Variants in WWOX observed in about 807,000 individuals in gnomAD.
The protein encoded by WWOX is WW domain containing oxidoreductase.
WWOX carries 69 observed loss-of-function variants against 46.2 expected under a neutral mutation model. That is an observed-to-expected ratio of 1.49 (90% CI 1.23 to 1.82). WWOX has a LOEUF of 1.82. Ranked by LOEUF, WWOX falls within the 40% of genes most tolerant of loss-of-function variation. The probability of loss-of-function intolerance (pLI) is 0.00; values close to 1 mark genes in which losing one functional copy is unlikely to be tolerated. For synonymous variants in WWOX, 359 were observed against 202.6 expected, an observed-to-expected ratio of 1.77 and a Z score of -6.56; for missense variants, 919 against 542.6, an observed-to-expected ratio of 1.69 and a Z score of -6.89.
In WWOX at chr16:78,510,532, C is replaced by T. The variant is rs112432744; in HGVS notation, c.1056+77780C>T. ...CGGCCACTTTCATCTTTCTGATTAACTGAAAAGTATCAAGCAATACTTACA... is the reference window on the plus strand; with the variant it reads ...CGGCCACTTTCATCTTTCTGATTAATTGAAAAGTATCAAGCAATACTTACA... On this transcript the variant is annotated intron_variant, in intron 8 of 8. Transcript: ENST00000566780. Among the ~76,000 whole-genome samples, 537 of 152,238 alleles carry T rather than the reference C, an allele frequency of 3.5e-3. 3 individuals are homozygous for T. Among genetic ancestry groups the T allele is most frequent in the African/African-American group, 0.012 (514 of 41,544 alleles).
At chr16:78,228,738 T>G (rs888717901) in intron 5 of WWOX, among the ~76,000 whole-genome samples, 3 of 152,342 alleles carry the variant, frequency 2.0e-5, no homozygotes, top group African/African-American at 7.2e-5. Flanking sequence ...ACATCATTAG[T>G]TGACAGATAT....
intron 8 of WWOX, among the ~76,000 whole-genome samples, chr16:78,516,522 T>C (rs1291793786): frequency 6.6e-6 from 1 of 152,220 alleles, no homozygotes; most frequent in Non-Finnish European, 1.5e-5. Context: ...TCTTCAAATA[T>C]CTGAACTCAG....
At chr16:78,981,641 G>C (rs962896340) in intron 8 of WWOX, 1 of 152,042 alleles carries the variant, frequency 6.6e-6, no homozygotes, top group African/African-American at 2.4e-5. Flanking sequence ...TGGCCAGGCT[G>C]GTCTTGAACT....
At position 78,475,950 on chromosome 16, in the gene WWOX, G is replaced by A. The variant is rs192185801; in HGVS notation, c.1056+43198G>A. ...ATGTGTCTCTTATTAATTTATTATG[G>A]TAATGAGAAGAGTTTGGATTTGGAC... On this transcript the variant is annotated intron_variant, in intron 8 of 8. Coordinates refer to ENST00000566780, the MANE Select transcript of WWOX (RefSeq NM_016373.4). Among the ~76,000 whole-genome samples the A allele has an allele frequency of 8.2e-3, 1,249 of 152,240 alleles. 15 individuals are homozygous for A. The highest frequency in any genetic ancestry group is 9.0e-3 in the Non-Finnish European group (613 of 68,014).
chr16:78,603,802 G>A (rs984803405), intron 8 of WWOX, among the ~76,000 whole-genome samples: 6 of 152,300 alleles, frequency 3.9e-5, no homozygotes, highest in Middle Eastern at 3.4e-3. Context: ...GGACAGACAA[G>A]TGACTGACCA....
At chr16:78,760,714 A>T (rs999569656) in intron 8 of WWOX, among the ~76,000 whole-genome samples, 1 of 152,178 alleles carries the variant, frequency 6.6e-6, no homozygotes, top group Admixed American at 6.5e-5. Context: ...CTGCTGTGGG[A>T]CATGAGACTC....
intron 8 of WWOX, among the ~76,000 whole-genome samples, chr16:78,926,370 C>CA (rs57956185): frequency 7.1e-5 from 10 of 140,362 alleles, no homozygotes; most frequent in East Asian, 2.2e-4. Flanking sequence ...GACCCTATCT[C>CA]AAAAAAAAAA....
At chr16:78,148,790 C>G (rs534503066) in intron 4 of WWOX, among the ~76,000 whole-genome samples, 6 of 145,916 alleles carry the variant, frequency 4.1e-5, no homozygotes, top group Non-Finnish European at 8.9e-5. Context: ...CCCAGCTACT[C>G]GGGAGGCTGA....
At chr16:79,189,246 A>G (rs1174713398) in intron 8 of WWOX, among the ~76,000 whole-genome samples, 2 of 151,450 alleles carry the variant, frequency 1.3e-5, no homozygotes, top group Non-Finnish European at 2.9e-5. Context: ...AGGAAAGCCT[A>G]TTTCTTTTTT....
intron 8 of WWOX, among the ~76,000 whole-genome samples, chr16:78,436,468 G>C (rs947195404): frequency 6.6e-6 from 1 of 152,210 alleles, no homozygotes; most frequent in Non-Finnish European, 1.5e-5. Flanking sequence ...TAAGCATGAA[G>C]ATGACGAAGA....
chr16:78,724,384 T>C (rs1170968303), intron 8 of WWOX, among the ~76,000 whole-genome samples: 1 of 152,218 alleles, frequency 6.6e-6, no homozygotes, highest in Non-Finnish European at 1.5e-5. Flanking sequence ...ATATTTTTTT[T>C]CCTTCATTCC....
chr16:78,320,593 G>A (rs535068518), intron 5 of WWOX, among the ~76,000 whole-genome samples: 5 of 152,268 alleles, frequency 3.3e-5, no homozygotes, highest in South Asian at 2.1e-4. Flanking sequence ...TTACCTCTTG[G>A]CCAAATGCTT....
intron 4 of WWOX, among the ~76,000 whole-genome samples, chr16:78,154,996 A>T (rs1367757490): frequency 6.6e-6 from 1 of 152,176 alleles, no homozygotes; most frequent in Non-Finnish European, 1.5e-5. Context: ...CCAACTAGAA[A>T]GCCCAAACCC....
intron 8 of WWOX, among the ~76,000 whole-genome samples, chr16:78,777,701 T>C (rs2050225463): frequency 6.6e-6 from 1 of 152,152 alleles, no homozygotes; most frequent in Non-Finnish European, 1.5e-5. Flanking sequence ...AAGGTAATCA[T>C]TTTATAAGTA....
At chr16:78,422,880 C>T (rs62034093) in intron 6 of WWOX, among the ~76,000 whole-genome samples, 8 of 130,906 alleles carry the variant, frequency 6.1e-5, no homozygotes, top group Non-Finnish European at 9.7e-5. Flanking sequence ...CACACACACA[C>T]ACACATATAT....
At chr16:79,079,480 C>T (rs1363215250) in intron 8 of WWOX, among the ~76,000 whole-genome samples, 1 of 152,208 alleles carries the variant, frequency 6.6e-6, no homozygotes, top group Non-Finnish European at 1.5e-5. Flanking sequence ...GTCTTTCTTC[C>T]TAGAGGTTGT....
At chr16:78,956,346 A>G (rs543951439) in intron 8 of WWOX, among the ~76,000 whole-genome samples, 1 of 151,752 alleles carries the variant, frequency 6.6e-6, no homozygotes, top group East Asian at 2.0e-4. Context: ...GTGAAGGCGG[A>G]GTTTCACCAT....
At chr16:78,935,437 G>C (rs2045716002) in intron 8 of WWOX, among the ~76,000 whole-genome samples, 1 of 152,146 alleles carries the variant, frequency 6.6e-6, no homozygotes, top group East Asian at 1.9e-4. Flanking sequence ...AAAAAAGGAT[G>C]AGTTCATGTC....
intron 8 of WWOX, among the ~76,000 whole-genome samples, chr16:78,826,292 G>C (rs148151858): frequency 1.1e-4 from 17 of 152,216 alleles, no homozygotes; most frequent in African/African-American, 3.4e-4. Flanking sequence ...GTTGCAGTGA[G>C]CCAAGATCGT....
Sources: gnomAD v4.1 joint callset for allele counts (sites outside exome capture counted in the v4.1 genomes callset) on GRCh38, gnomAD v4.1.1 for gene constraint, MANE v1.5 for transcripts, NCBI Gene and HGNC (gene_info 2026-07-23, HGNC 2026-07-21) for gene names.